The following KLRG1 variants were observed in gnomAD, a reference collection of about 807,000 sequenced individuals.
KLRG1 encodes killer cell lectin like receptor G1, also known as killer cell lectin-like receptor subfamily G member 1.
KLRG1 carries 16 observed loss-of-function variants against 21.8 expected under a neutral mutation model. That is an observed-to-expected ratio of 0.73 (90% confidence interval 0.50 to 1.11). The LOEUF (loss-of-function observed/expected upper bound fraction) is 1.11, where lower values mean the gene tolerates loss of function less well. KLRG1 is among the 50% of genes most tolerant of loss of function. The pLI is 0.00. For synonymous variants in KLRG1, 69 were observed against 75.9 expected (o/e 0.91, Z 0.47); for missense variants, 173 against 218.3 (o/e 0.79, Z 1.31).
chr12:9,076,100 G>A, the KLRG1 span, among the ~76,000 whole-genome samples: 1 of 152,104 alleles, frequency 6.6e-6, no homozygotes, highest in Non-Finnish European at 1.5e-5. Context: ...AACATTATTG[G>A]TCTTATGAAA....
At chr12:9,099,285 C>A in the KLRG1 span, 3 of 1,189,274 alleles carry the variant, frequency 2.5e-6, no homozygotes, top group East Asian at 2.6e-5. Context: ...ATTTGTTTAA[C>A]CCTTTTGGCC....
At chr12:9,195,013 TA>T in the KLRG1 span, among the ~76,000 whole-genome samples, 1 of 152,082 alleles carries the variant, frequency 6.6e-6, no homozygotes, top group Non-Finnish European at 1.5e-5. Flanking sequence ...AATAATTATT[TA>T]AAAATACATT....
chr12:9,009,234 G>A (rs770840330), intron 4 of KLRG1, among the ~76,000 whole-genome samples, 159 bp downstream of exon 4: 16 of 111,706 alleles, frequency 1.4e-4, no homozygotes, highest in African/African-American at 6.7e-4. Context: ...CAATGGGTAA[G>A]GGCAAAAAAA....
the KLRG1 span, chr12:9,157,769 T>C: frequency 6.2e-7 from 1 of 1,613,440 alleles, no homozygotes; most frequent in East Asian, 2.2e-5. Flanking sequence ...GTACCTACAG[T>C]GACTGGGAGA....
chr12:9,131,556 A>C, the KLRG1 span, among the ~76,000 whole-genome samples: 1 of 152,018 alleles, frequency 6.6e-6, no homozygotes. Context: ...GAGGTGAAAA[A>C]GTTAGATCAA....
chr12:9,001,466 T>G (rs1457240633), intron 3 of KLRG1, among the ~76,000 whole-genome samples: 1 of 152,134 alleles, frequency 6.6e-6, no homozygotes, highest in Non-Finnish European at 1.5e-5. Flanking sequence ...AACCCCAGCC[T>G]TGAACATTTC....
the KLRG1 span, chr12:9,068,295 G>T: frequency 1.3e-6 from 2 of 1,505,362 alleles, no homozygotes; most frequent in Non-Finnish European, 9.0e-7. Context: ...AACATCTGTG[G>T]GATACAGGCC....
At chr12:9,089,314 G>A in the KLRG1 span, 1 of 1,152,624 alleles carries the variant, frequency 8.7e-7, no homozygotes, top group Non-Finnish European at 1.3e-6. Context: ...GTGTTTTAAT[G>A]GAGGGACCAC....
the KLRG1 span, chr12:9,095,558 T>A: frequency 6.2e-7 from 1 of 1,612,552 alleles, no homozygotes; most frequent in Non-Finnish European, 8.5e-7. Flanking sequence ...GCTGTACATA[T>A]CCTTTTCATT....
chr12:9,163,621 C>T, the KLRG1 span: 48 of 1,599,608 alleles, frequency 3.0e-5, no homozygotes, highest in East Asian at 6.7e-5. Flanking sequence ...AGTGACCGCC[C>T]GGTGTTGCAT....
rs766573926 is a variant in KLRG1, at chr12:8,995,164, G to A, written c.233G>A (p.Arg78His). 7.5e-5 allele frequency: 121 copies of A among 1,613,048 alleles called. No individual in the cohort carries two copies. In the Middle Eastern group the frequency reaches 8.3e-4, roughly 11 times the overall value. ...TCASCPSCPD[R>H]WMKYGNHCYY... is the part of the protein sequence containing the mutation. The stretch of plus-strand genomic sequence containing the variant: ...GCCAGCTGTCCTAGCTGCCCAGACC[G>A]CTGGATGAAATATGGTAACCATTGT... The change falls in exon 3 of 5, where the codon CGC becomes CAC. Residue 78 changes from arginine (R) to histidine (H), a missense_variant. Physicochemically the swap from Arg to His is conservative, Grantham distance 29. Around this residue, in one of 3 missense-constraint regions of KLRG1, gnomAD observed 144 missense variants for 161.5 expected, o/e 0.89. Coordinates refer to ENST00000356986, the MANE Select transcript of KLRG1 (RefSeq NM_005810.4).
the KLRG1 span, among the ~76,000 whole-genome samples, chr12:9,060,212 C>T: frequency 6.6e-5 from 9 of 136,600 alleles, no homozygotes; most frequent in Non-Finnish European, 1.2e-4. Context: ...TTTGTAGAGA[C>T]GGGGCTTCAT....
At chr12:8,979,428 C>A (rs1249515895) in intron 1 of KLRG1, among the ~76,000 whole-genome samples, 1 of 152,164 alleles carries the variant, frequency 6.6e-6, no homozygotes, top group East Asian at 1.9e-4. Context: ...TATAAGGTTT[C>A]TGCTGAGAAA....
chr12:8,966,842 C>T (rs1194144039), intron 1 of KLRG1, among the ~76,000 whole-genome samples: 2 of 148,836 alleles, frequency 1.3e-5, no homozygotes, highest in East Asian at 3.9e-4. Context: ...TGGGTATATA[C>T]CCAAAGGACT....
At chr12:9,186,445 G>A in the KLRG1 span, among the ~76,000 whole-genome samples, 1 of 152,118 alleles carries the variant, frequency 6.6e-6, no homozygotes, top group Non-Finnish European at 1.5e-5. Flanking sequence ...CCCCAATTAA[G>A]AGGCACAGAG....
chr12:9,028,889 C>T, the KLRG1 span: 3 of 640,316 alleles, frequency 4.7e-6, no homozygotes, highest in Non-Finnish European at 8.8e-6. Context: ...GCCGCATCCA[C>T]CTCCTCCATA....
chr12:9,182,192 A>C, the KLRG1 span: 3 of 1,446,486 alleles, frequency 2.1e-6, no homozygotes, highest in Non-Finnish European at 2.8e-6. Flanking sequence ...TCATAAGGAC[A>C]CTATTGCTTG....
chr12:9,185,299 C>A, the KLRG1 span, among the ~76,000 whole-genome samples: 1 of 152,282 alleles, frequency 6.6e-6, no homozygotes, highest in African/African-American at 2.4e-5. Context: ...CAAGTATTAA[C>A]AGCAGAACAG....
the KLRG1 span, chr12:9,202,459 G>A: frequency 3.1e-5 from 50 of 1,612,142 alleles, no homozygotes; most frequent in Non-Finnish European, 4.2e-5. Flanking sequence ...CTAGGATAAT[G>A]GAGACTTTGG....
Sources: gnomAD v4.1 joint callset for allele counts (sites outside exome capture counted in the v4.1 genomes callset) on GRCh38, gnomAD v4.1.1 for gene constraint, gnomAD v4.1.1 regional missense constraint, MANE v1.5 for transcripts, NCBI Gene and HGNC (gene_info 2026-07-23, HGNC 2026-07-21) for gene names.